LRRC4C: variants seen among roughly 807,000 people sequenced by gnomAD.
LRRC4C encodes the protein leucine rich repeat containing 4C.
A neutral mutation model predicts 33.6 loss-of-function variants in LRRC4C; 5 were observed. The ratio of observed to expected loss-of-function variants is 0.15; its 90% CI spans 0.08 to 0.31. The LOEUF (loss-of-function observed/expected upper bound fraction) is 0.31. Among genes scored for constraint, LRRC4C ranks in the 10% least tolerant of loss-of-function variants. The probability of loss-of-function intolerance (pLI) is 1.00; values close to 1 mark genes in which losing one functional copy is unlikely to be tolerated. For missense variants in LRRC4C, 560 were observed against 796.7 expected, an observed-to-expected ratio of 0.70 and a Z score of 3.58; for synonymous variants, 329 against 302.0, an observed-to-expected ratio of 1.09 and a Z score of -0.93.
chr11:40,556,946 G>C (rs565947149), intron 3 of LRRC4C, among the ~76,000 whole-genome samples: 2 of 152,156 alleles, frequency 1.3e-5, no homozygotes, highest in Admixed American at 1.3e-4. Flanking sequence ...TTATCTGTAA[G>C]TATAATTTAG....
chr11:40,635,049 T>G (rs1482169087), intron 3 of LRRC4C, among the ~76,000 whole-genome samples: 1 of 151,704 alleles, frequency 6.6e-6, no homozygotes, highest in Non-Finnish European at 1.5e-5. Flanking sequence ...ACTCTTTGAC[T>G]TACAGACTTT....
intron 2 of LRRC4C, among the ~76,000 whole-genome samples, chr11:40,657,247 C>A (rs1943169725): frequency 6.6e-6 from 1 of 152,114 alleles, no homozygotes; most frequent in African/African-American, 2.4e-5. Context: ...CATGTTTCTT[C>A]CAGATGTACT....
chr11:41,094,383 G>A (rs1214160583), intron 1 of LRRC4C, among the ~76,000 whole-genome samples: 1 of 151,798 alleles, frequency 6.6e-6, no homozygotes, highest in Non-Finnish European at 1.5e-5. Context: ...AAATTAGCCG[G>A]CCTGGTGGCG....
At chr11:40,691,275 T>C (rs1945209501) in intron 2 of LRRC4C, among the ~76,000 whole-genome samples, 1 of 151,954 alleles carries the variant, frequency 6.6e-6, no homozygotes, top group South Asian at 2.1e-4. Context: ...GGAGAAGCAC[T>C]CCAGAATGCC....
intron 3 of LRRC4C, among the ~76,000 whole-genome samples, chr11:40,618,643 T>C (rs1309862209): frequency 6.6e-6 from 1 of 151,750 alleles, no homozygotes; most frequent in African/African-American, 2.4e-5. Context: ...TCTCAATCCA[T>C]TTTTGGAACT....
At chr11:41,357,075 T>G (rs114214769) in intron 1 of LRRC4C, among the ~76,000 whole-genome samples, 1,725 of 152,186 alleles carry the variant, frequency 0.011, 35 homozygotes, top group African/African-American at 0.038. Context: ...AGCATTTATT[T>G]GCACCCTACA....
intron 2 of LRRC4C, among the ~76,000 whole-genome samples, chr11:40,850,432 C>T (rs1194752303): frequency 6.6e-6 from 1 of 152,182 alleles, no homozygotes; most frequent in African/African-American, 2.4e-5. Flanking sequence ...GGGGTCCACT[C>T]CAGATCCTGT....
chr11:41,148,839 G>T (rs958974381), intron 1 of LRRC4C, among the ~76,000 whole-genome samples: 1 of 152,206 alleles, frequency 6.6e-6, no homozygotes, highest in East Asian at 1.9e-4. Flanking sequence ...AAAATTCTAT[G>T]TAAAATCCTG....
At position 40,114,943 on chromosome 11, in the gene LRRC4C, A is replaced by G; in HGVS notation, c.1350T>C (p.Pro450=). 1 of 1,614,166 alleles carries G rather than the reference A, an allele frequency of 6.2e-7. No homozygotes were observed. The highest frequency in any genetic ancestry group is 8.5e-7 in the Non-Finnish European group (1 of 1,180,022). Residue 450 remains proline (P), a synonymous_variant, in exon 7 of 7, where the codon CCT becomes CCC. Coordinates refer to ENST00000528697, the MANE Select transcript of LRRC4C (RefSeq NM_001258419.2). ...CTGTGACGGTTGAAAAGTAAGAGAA[A>G]GGAGTAGTGGTTGCTGCAGTAACAT... ...TLNVTAATTT[P]FSYFSTVTVE...
At chr11:41,129,025 T>G (rs1942887325) in intron 1 of LRRC4C, among the ~76,000 whole-genome samples, 1 of 151,974 alleles carries the variant, frequency 6.6e-6, no homozygotes, top group South Asian at 2.1e-4. Flanking sequence ...TTAAAGCAAA[T>G]GATTAAACTC....
chr11:40,470,310 A>G (rs2138281098), intron 3 of LRRC4C, among the ~76,000 whole-genome samples: 1 of 152,330 alleles, frequency 6.6e-6, no homozygotes, highest in Admixed American at 6.5e-5. Context: ...TTAGAAGGAA[A>G]GCTAACAAAC....
chr11:40,760,742 C>G (rs1333607048), intron 2 of LRRC4C, among the ~76,000 whole-genome samples: 1 of 149,876 alleles, frequency 6.7e-6, no homozygotes, highest in African/African-American at 2.5e-5. Flanking sequence ...TCCTGTGTAG[C>G]TGAGACCACA....
chr11:40,787,058 A>G (rs974979242), intron 2 of LRRC4C, among the ~76,000 whole-genome samples: 1 of 152,270 alleles, frequency 6.6e-6, no homozygotes, highest in East Asian at 1.9e-4. Flanking sequence ...TCCATGCCAA[A>G]TAAGTTTTAC....
intron 1 of LRRC4C, among the ~76,000 whole-genome samples, chr11:41,320,268 A>G (rs1390672545): frequency 6.6e-6 from 1 of 152,206 alleles, no homozygotes; most frequent in Non-Finnish European, 1.5e-5. Flanking sequence ...TAGATTCATA[A>G]CTGACCATAA....
chr11:40,858,741 A>AAGACATTGGGACTAAGCTTATATTCTGT (rs1271936599), intron 2 of LRRC4C, among the ~76,000 whole-genome samples: 2 of 151,588 alleles, frequency 1.3e-5, no homozygotes, highest in East Asian at 3.9e-4. Flanking sequence ...CTTAGTCCCA[A>AAGACATTGGGACTAAGCTTATATTCTGT]AGACATTGGG....
At position 41,136,473 on chromosome 11, in the gene LRRC4C, C is replaced by T. The variant is rs561381738; in HGVS notation, c.-495-202750G>A. Among the ~76,000 whole-genome samples, 3 of 152,232 alleles carry T rather than the reference C, an allele frequency of 2.0e-5. No homozygotes were observed. The South Asian group carries it at 6.2e-4, about 32-fold the overall frequency. On this transcript the variant is annotated intron_variant, in intron 1 of 6. Coordinates refer to ENST00000528697, the MANE Select transcript of LRRC4C (RefSeq NM_001258419.2). Reference sequence around the variant, plus strand: ...CAACAGTTTCCAGGACACATTAAATCATACATCAAGAATGCATGACTGTAT... The same window carrying T: ...CAACAGTTTCCAGGACACATTAAATTATACATCAAGAATGCATGACTGTAT...
At chr11:41,359,526 T>G (rs2939761) in intron 1 of LRRC4C, among the ~76,000 whole-genome samples, 66,410 of 152,004 alleles carry the variant, frequency 0.44, 14,956 homozygotes, top group Non-Finnish European at 0.49. Flanking sequence ...GTGTTTGTTT[T>G]TTTTGTTTTT....
chr11:40,596,190 G>GGC (rs1240552018), intron 3 of LRRC4C, among the ~76,000 whole-genome samples: 1 of 152,170 alleles, frequency 6.6e-6, no homozygotes, highest in African/African-American at 2.4e-5. Flanking sequence ...CATGGCGCAA[G>GGC]GCTAGGAGGT....
intron 1 of LRRC4C, among the ~76,000 whole-genome samples, chr11:41,366,199 CAGATAGAT>C (rs58970527): frequency 0.21 from 31,875 of 148,580 alleles, 3,537 homozygotes; most frequent in Middle Eastern, 0.28. Flanking sequence ...GATAGATAGA[CAGATAGAT>C]AGATAGATAG....
Sources: allele counts gnomAD v4.1 joint callset (sites outside exome capture counted in the v4.1 genomes callset), GRCh38; gene constraint gnomAD v4.1.1; transcripts MANE v1.5; gene names NCBI Gene and HGNC (gene_info 2026-07-23, HGNC 2026-07-21).